Variants in CADPS2 observed in about 807,000 individuals in gnomAD.
CADPS2 encodes calcium-dependent secretion activator 2.
CADPS2 carries 93 observed loss-of-function variants against 172.5 expected under a neutral mutation model. That is an observed-to-expected ratio of 0.54 (90% CI 0.46 to 0.64). The LOEUF (loss-of-function observed/expected upper bound fraction) is 0.64. CADPS2 is among the 30% of genes least tolerant of loss of function. CADPS2 has a pLI of 0.00. For missense variants in CADPS2, 1,420 were observed against 1,565.9 expected, an observed-to-expected ratio of 0.91 and a Z score of 1.57; for synonymous variants, 546 against 555.2, an observed-to-expected ratio of 0.98 and a Z score of 0.23.
chr7:122,591,027 G>A (rs2070710598), intron 6 of CADPS2, among the ~76,000 whole-genome samples: 1 of 151,896 alleles, frequency 6.6e-6, no homozygotes, highest in African/African-American at 2.4e-5. Flanking sequence ...TACTATAAAA[G>A]TATCTGAAAT....
chr7:122,587,406 G>C (rs1159872106), intron 6 of CADPS2, among the ~76,000 whole-genome samples: 2 of 151,976 alleles, frequency 1.3e-5, no homozygotes, highest in Non-Finnish European at 2.9e-5. Context: ...GAGGATAATG[G>C]CTTCCAGCTT....
chr7:122,689,937 C>T (rs563886208), intron 2 of CADPS2, among the ~76,000 whole-genome samples: 151 of 152,240 alleles, frequency 9.9e-4, no homozygotes, highest in Admixed American at 1.6e-3. Context: ...GGTTTTGTGA[C>T]GCCTCCTATT....
intron 1 of CADPS2, among the ~76,000 whole-genome samples, chr7:122,747,191 T>C (rs534840026): frequency 1.6e-4 from 24 of 152,086 alleles, no homozygotes; most frequent in Non-Finnish European, 3.2e-4. Context: ...CTCATTGCAA[T>C]AGAAAGCCAT....
intron 1 of CADPS2, among the ~76,000 whole-genome samples, chr7:122,749,011 T>C (rs776867581): frequency 5.9e-5 from 9 of 152,154 alleles, no homozygotes; most frequent in Non-Finnish European, 8.8e-5. Context: ...CTCCACATGC[T>C]AGCTTTTGTC....
chr7:122,726,263 A>T (rs748735614), intron 2 of CADPS2, among the ~76,000 whole-genome samples: 12 of 152,186 alleles, frequency 7.9e-5, no homozygotes, highest in African/African-American at 2.9e-4. Flanking sequence ...CCTCCCAATA[A>T]GTACTTTGAT....
chr7:122,606,545 C>T (rs2073569991), intron 6 of CADPS2, among the ~76,000 whole-genome samples: 1 of 152,096 alleles, frequency 6.6e-6, no homozygotes. Context: ...ATATCTTTCA[C>T]ATGGAACTTC....
intron 11 of CADPS2, among the ~76,000 whole-genome samples, chr7:122,488,188 G>T (rs2058004539): frequency 6.6e-6 from 1 of 152,126 alleles, no homozygotes; most frequent in Non-Finnish European, 1.5e-5. Flanking sequence ...GAAGAAAATG[G>T]TTTTGGGAAG....
chr7:122,753,116 C>T (rs2093018213), intron 1 of CADPS2, among the ~76,000 whole-genome samples: 1 of 152,134 alleles, frequency 6.6e-6, no homozygotes, highest in Non-Finnish European at 1.5e-5. Flanking sequence ...CAACTAGTAC[C>T]TATTACATAA....
chr7:122,697,960 A>G (rs1052544317), intron 2 of CADPS2: 1 of 1,613,700 alleles, frequency 6.2e-7, no homozygotes, highest in Middle Eastern at 1.7e-4. Context: ...ATTTGACATT[A>G]GAACTTGCAA....
chr7:122,475,039 AAG>A (rs2056466471), intron 12 of CADPS2, among the ~76,000 whole-genome samples: 1 of 152,184 alleles, frequency 6.6e-6, no homozygotes, highest in Non-Finnish European at 1.5e-5. Flanking sequence ...CTTCAAGTTT[AAG>A]AGACAGGAAA....
intron 1 of CADPS2, among the ~76,000 whole-genome samples, chr7:122,866,128 C>T (rs1219337828): frequency 2.6e-5 from 4 of 152,216 alleles, no homozygotes; most frequent in African/African-American, 7.2e-5. Context: ...TATTTAACCA[C>T]ATAAACATAT....
intron 28 of CADPS2, among the ~76,000 whole-genome samples, chr7:122,326,043 A>G (rs1190759069): frequency 6.6e-6 from 1 of 151,474 alleles, no homozygotes; most frequent in African/African-American, 2.4e-5. Context: ...CATGTAGTCA[A>G]TACCTAAAAT....
intron 3 of CADPS2, among the ~76,000 whole-genome samples, chr7:122,650,784 T>C (rs937431864): frequency 6.6e-6 from 1 of 152,162 alleles, no homozygotes; most frequent in Non-Finnish European, 1.5e-5. Flanking sequence ...AATTTAAAAA[T>C]TTTTGAGAGC....
At chr7:122,322,785 T>A (rs542134055) in intron 29 of CADPS2, among the ~76,000 whole-genome samples, 2 of 152,344 alleles carry the variant, frequency 1.3e-5, no homozygotes, top group East Asian at 3.9e-4. Context: ...AATTGGTGTA[T>A]AAGTGTCTTT....
intron 28 of CADPS2, chr7:122,331,150 T>G (rs1394461040): frequency 2.7e-5 from 4 of 148,550 alleles, no homozygotes; most frequent in East Asian, 1.9e-4. Flanking sequence ...AACTTTCTAT[T>G]GTCTGTTATT....
At chr7:122,438,497 A>C in intron 16 of CADPS2, 33 bp from the exon 17 acceptor site, 1 of 1,609,660 alleles carries the variant, frequency 6.2e-7, no homozygotes, top group Non-Finnish European at 8.5e-7. Flanking sequence ...GGTGAGGGGC[A>C]GGGTTGGGGA....
intron 8 of CADPS2, among the ~76,000 whole-genome samples, chr7:122,553,884 T>C (rs1024438193): frequency 6.6e-6 from 1 of 152,124 alleles, no homozygotes; most frequent in African/African-American, 2.4e-5. Context: ...CAAAGTGTTA[T>C]TCTGAGGAAG....
chr7:122,637,501 T>C lies in CADPS2; in HGVS notation c.787-8173A>G, dbSNP rs1247749513. 2.0e-5 allele frequency among the ~76,000 whole-genome samples: 3 copies of C among 152,184 alleles called. No individual in the cohort carries two copies. In the East Asian group the frequency reaches 5.8e-4, roughly 29 times the overall value. On this transcript the variant is annotated intron_variant, in intron 3 of 29. Coordinates refer to ENST00000449022, the MANE Select transcript of CADPS2 (RefSeq NM_017954.11). ...GAAATTCTTGAAGTAAATTCTTCAA[T>C]TCCAGAAGTTCAGTTGATTTCTTCT...
At chr7:122,514,135 C>T (rs1435614739) in intron 8 of CADPS2, among the ~76,000 whole-genome samples, 3 of 151,882 alleles carry the variant, frequency 2.0e-5, no homozygotes, top group Non-Finnish European at 4.4e-5. Flanking sequence ...GAGAGCTATT[C>T]CAAAATTATG....
Sources: allele counts gnomAD v4.1 joint callset (sites outside exome capture counted in the v4.1 genomes callset), GRCh38; gene constraint gnomAD v4.1.1; transcripts MANE v1.5; gene names NCBI Gene and HGNC (gene_info 2026-07-23, HGNC 2026-07-21).